TBL1X: variants seen among roughly 807,000 people sequenced by gnomAD.
TBL1X encodes the protein F-box-like/WD repeat-containing protein TBL1X.
TBL1X carries 10 observed loss-of-function variants against 50.7 expected under a neutral mutation model. The ratio of observed to expected loss-of-function variants is 0.20; its 90% confidence interval spans 0.12 to 0.33. The LOEUF (loss-of-function observed/expected upper bound fraction) is 0.33, where lower values mean the gene tolerates loss of function less well. TBL1X is among the 10% of genes least tolerant of loss of function. The pLI is 1.00. For synonymous variants in TBL1X, 190 were observed against 214.7 expected, an observed-to-expected ratio of 0.88 and a Z score of 1.01; for missense variants, 340 against 504.4, an observed-to-expected ratio of 0.67 and a Z score of 3.12.
intron 5 of TBL1X, among the ~76,000 whole-genome samples, chrX:9,676,084 T>G (rs188212694): frequency 6.4e-4 from 72 of 112,177 alleles, no homozygotes; most frequent in African/African-American, 2.2e-3. Context: ...TTTGCAATGG[T>G]GCTATCCGTC....
At chrX:9,497,929 G>A (rs1370119090) in intron 1 of TBL1X, among the ~76,000 whole-genome samples, 2 of 83,179 alleles carry the variant, frequency 2.4e-5, no homozygotes, top group African/African-American at 9.5e-5. Flanking sequence ...GTGGGGTCTC[G>A]CTAAGTTTCC....
chrX:9,561,656 A>G (rs2082325487), intron 2 of TBL1X, among the ~76,000 whole-genome samples: 1 of 112,227 alleles, frequency 8.9e-6, no homozygotes, highest in Non-Finnish European at 1.9e-5. Flanking sequence ...GAATAGAAAT[A>G]TACGTGTTCA....
chrX:9,489,112 C>CT (rs1185313120), intron 1 of TBL1X, among the ~76,000 whole-genome samples: 1 of 110,998 alleles, frequency 9.0e-6, no homozygotes, highest in African/African-American at 3.3e-5. Context: ...TGGTTTTGGA[C>CT]TTTATCAGGG....
chrX:9,668,712 C>T (rs1014101444), intron 5 of TBL1X, among the ~76,000 whole-genome samples: 3 of 112,216 alleles, frequency 2.7e-5, no homozygotes, highest in African/African-American at 9.7e-5. Flanking sequence ...ACTGGAATGG[C>T]ATGCATTCAA....
intron 2 of TBL1X, among the ~76,000 whole-genome samples, chrX:9,611,436 AG>A (rs2082612984): frequency 8.9e-6 from 1 of 112,236 alleles, no homozygotes; most frequent in African/African-American, 3.2e-5. Flanking sequence ...TGCTAAAACA[AG>A]GGCAGTCGAG....
chrX:9,541,490 G>A (rs1398350615), intron 2 of TBL1X, among the ~76,000 whole-genome samples: 1 of 112,370 alleles, frequency 8.9e-6, no homozygotes, highest in Non-Finnish European at 1.9e-5. Context: ...TCGTGCAGGA[G>A]CAGCAGGAAC....
chrX:9,524,464 C>T (rs181936182), intron 2 of TBL1X, among the ~76,000 whole-genome samples: 245 of 112,119 alleles, frequency 2.2e-3, no homozygotes, highest in African/African-American at 7.2e-3. Flanking sequence ...ACCTCAGATA[C>T]GTGGAATCCT....
intron 2 of TBL1X, among the ~76,000 whole-genome samples, chrX:9,550,825 T>C (rs1445840899): frequency 5.4e-5 from 6 of 111,865 alleles, no homozygotes; most frequent in East Asian, 5.7e-4. Flanking sequence ...ACCAGGGCAG[T>C]TGTGTTCCTT....
At chrX:9,670,412 A>T in intron 5 of TBL1X, among the ~76,000 whole-genome samples, 1 of 110,941 alleles carries the variant, frequency 9.0e-6, no homozygotes, top group Non-Finnish European at 1.9e-5. Flanking sequence ...AAAAACCCTA[A>T]TCTCTAAGCC....
chrX:9,566,634 C>T (rs1169053622), intron 2 of TBL1X, among the ~76,000 whole-genome samples: 3 of 112,323 alleles, frequency 2.7e-5, no homozygotes, highest in Admixed American at 9.4e-5. Context: ...TTAGATTTTT[C>T]ATGTTGCTTT....
chrX:9,617,039 C>T (rs1411046610), intron 2 of TBL1X, among the ~76,000 whole-genome samples: 1 of 111,823 alleles, frequency 8.9e-6, no homozygotes, highest in Non-Finnish European at 1.9e-5. Context: ...CCATATGACA[C>T]CATGTTCACT....
intron 2 of TBL1X, among the ~76,000 whole-genome samples, chrX:9,546,724 T>C (rs1216958017): frequency 9.0e-6 from 1 of 111,255 alleles, no homozygotes; most frequent in Admixed American, 9.5e-5. Flanking sequence ...CTATTCATTT[T>C]TCATTTAGTA....
chrX:9,681,297 TG>T (rs1333227571), intron 5 of TBL1X, among the ~76,000 whole-genome samples: 1 of 111,868 alleles, frequency 8.9e-6, no homozygotes, highest in Non-Finnish European at 1.9e-5. Flanking sequence ...TTGGTTCCTG[TG>T]CTTGTGGGTG....
intron 2 of TBL1X, among the ~76,000 whole-genome samples, chrX:9,597,548 C>T (rs1421729754): frequency 1.8e-5 from 2 of 112,590 alleles, no homozygotes; most frequent in East Asian, 2.8e-4. Context: ...TTGGCCCACA[C>T]GCATTTCCAG....
intron 13 of TBL1X, among the ~76,000 whole-genome samples, chrX:9,706,190 G>A (rs748025249): frequency 1.4e-4 from 16 of 112,022 alleles, no homozygotes; most frequent in African/African-American, 3.6e-4. Flanking sequence ...AACCACATCC[G>A]TGGATTTACC....
intron 12 of TBL1X, among the ~76,000 whole-genome samples, chrX:9,702,922 C>T (rs1265717429): frequency 9.0e-6 from 1 of 111,557 alleles, no homozygotes; most frequent in East Asian, 2.8e-4. Context: ...CATGGGCTTG[C>T]ATGGGAAGCG....
intron 1 of TBL1X, among the ~76,000 whole-genome samples, chrX:9,466,323 G>A (rs1338240695): frequency 8.9e-6 from 1 of 112,260 alleles, no homozygotes; most frequent in Admixed American, 9.3e-5. Flanking sequence ...ACTGTGGGTC[G>A]CTGGAGGCCC....
Position 9,601,814 on chromosome X carries a change from G to A in TBL1X, c.-130-38459G>A, listed in dbSNP as rs112929113. 8.0e-3 allele frequency among the ~76,000 whole-genome samples: 901 copies of A among 112,007 alleles called. 10 individuals are homozygous for A. The highest frequency in any genetic ancestry group is 0.027 in the African/African-American group (842 of 30,789). On this transcript the variant is annotated intron_variant, in intron 2 of 17. Coordinates refer to ENST00000645353, the MANE Select transcript of TBL1X (RefSeq NM_005647.4). Reference sequence around the variant, plus strand: ...ACCTGTAGTCCCAGCACTTTGGGAGGCAAATCACTTTGAGGCCAGGAGTTC... The same window carrying A: ...ACCTGTAGTCCCAGCACTTTGGGAGACAAATCACTTTGAGGCCAGGAGTTC...
At chrX:9,524,687 C>T (rs1442026556) in intron 2 of TBL1X, among the ~76,000 whole-genome samples, 1 of 112,415 alleles carries the variant, frequency 8.9e-6, no homozygotes, top group African/African-American at 3.2e-5. Context: ...ACAAACTTGC[C>T]TGCACAAATA....
Sources: allele counts gnomAD v4.1 joint callset (sites outside exome capture counted in the v4.1 genomes callset), GRCh38; gene constraint gnomAD v4.1.1; transcripts MANE v1.5; gene names NCBI Gene and HGNC (gene_info 2026-07-23, HGNC 2026-07-21).